The following STK32B variants were observed in gnomAD, a reference collection of about 807,000 sequenced individuals.
STK32B encodes the protein serine/threonine-protein kinase 32B.
Under a neutral mutation model 52.6 loss-of-function variants are expected in STK32B, and 43 were observed. The ratio of observed to expected loss-of-function variants is 0.82; its 90% CI spans 0.64 to 1.05. The LOEUF (loss-of-function observed/expected upper bound fraction) is 1.05. Ranked by LOEUF, STK32B falls within the 50% of genes least tolerant of loss-of-function variation. The pLI is 0.00. For synonymous variants in STK32B, 238 were observed against 204.3 expected (o/e 1.17, Z -1.41); for missense variants, 621 against 534.6 (o/e 1.16, Z -1.59).
Position 5,063,251 on chromosome 4 carries a change from T to G in STK32B, c.52+11336T>G, listed in dbSNP as rs144032245. Among the ~76,000 whole-genome samples, 511 of 152,334 alleles carry G rather than the reference T, an allele frequency of 3.4e-3. 5 individuals carry two copies. Among genetic ancestry groups the G allele is most frequent in the African/African-American group, 0.012 (502 of 41,580 alleles). On this transcript the variant is annotated intron_variant, in intron 1 of 11. Coordinates refer to ENST00000282908, the MANE Select transcript of STK32B (RefSeq NM_018401.3). ...TTTCCATTGCTCTACATCAGCACTG[T>G]TCTATAGAAATGTGACTCAGTCGAC... is the stretch of plus-strand genomic sequence containing the variant.
intron 3 of STK32B, among the ~76,000 whole-genome samples, chr4:5,295,958 C>T (rs1173131861): frequency 6.6e-6 from 1 of 151,714 alleles, no homozygotes; most frequent in Non-Finnish European, 1.5e-5. Flanking sequence ...GAGATTCTGG[C>T]GTGTTGTGTC....
chr4:5,357,348 A>AC (rs34963312), intron 4 of STK32B, among the ~76,000 whole-genome samples: 46,287 of 152,030 alleles, frequency 0.3, 8,769 homozygotes, highest in African/African-American at 0.54. Context: ...CGCTTTGAGC[A>AC]CTACCATGTG....
At chr4:5,057,579 G>A (rs1742054978) in intron 1 of STK32B, among the ~76,000 whole-genome samples, 1 of 152,156 alleles carries the variant, frequency 6.6e-6, no homozygotes, top group African/African-American at 2.4e-5. Context: ...TTGGGGGTTG[G>A]CTTTCCAACA....
intron 1 of STK32B, among the ~76,000 whole-genome samples, chr4:5,081,733 A>C (rs1712441461): frequency 1.3e-5 from 2 of 152,118 alleles, no homozygotes; most frequent in Admixed American, 6.5e-5. Flanking sequence ...CTTTTAAAAT[A>C]TTCTTTCCAT....
At chr4:5,322,780 G>T (rs1731601438) in intron 3 of STK32B, among the ~76,000 whole-genome samples, 1 of 152,096 alleles carries the variant, frequency 6.6e-6, no homozygotes, top group African/African-American at 2.4e-5. Context: ...TGGAGAGTCA[G>T]TCACTCATCA....
intron 1 of STK32B, among the ~76,000 whole-genome samples, chr4:5,113,709 A>G (rs943398765): frequency 6.6e-6 from 1 of 152,136 alleles, no homozygotes; most frequent in African/African-American, 2.4e-5. Flanking sequence ...GCAGCCCCTC[A>G]TGGTCTGCTT....
rs144210096 is a variant in STK32B, at chr4:5,174,260, G to T, written c.260+5810G>T. Among the ~76,000 whole-genome samples the T allele has an allele frequency of 2.2e-3, 329 of 152,246 alleles. 6 individuals are homozygous for T. In the East Asian group the frequency reaches 0.053, roughly 24 times the overall value. ...TGGGTCTTGACTCTTTATCCAGTTT[G>T]CCAGTTTGTGTTTTTTAATTGGAGC... On this transcript the variant is annotated intron_variant, in intron 3 of 11. Coordinates refer to ENST00000282908, the MANE Select transcript of STK32B (RefSeq NM_018401.3).
At chr4:5,132,279 A>G (rs1051773417) in intron 1 of STK32B, among the ~76,000 whole-genome samples, 12 of 152,132 alleles carry the variant, frequency 7.9e-5, no homozygotes, top group African/African-American at 2.9e-4. Flanking sequence ...TTCTTTGGGT[A>G]TCACTTATAA....
At chr4:5,155,941 GTGCATA>G (rs986592983) in intron 2 of STK32B, among the ~76,000 whole-genome samples, 13 of 151,862 alleles carry the variant, frequency 8.6e-5, no homozygotes, top group African/African-American at 2.9e-4. Context: ...ATATGTACAC[GTGCATA>G]TACATATACA....
intron 3 of STK32B, among the ~76,000 whole-genome samples, chr4:5,249,290 G>C (rs1725712793): frequency 6.6e-6 from 1 of 152,086 alleles, no homozygotes; most frequent in African/African-American, 2.4e-5. Context: ...TATAGAACGG[G>C]GTTCAGAGAA....
intron 3 of STK32B, chr4:5,203,950 A>G (rs1577189229): frequency 6.6e-6 from 1 of 152,238 alleles, no homozygotes; most frequent in Admixed American, 6.5e-5. Context: ...GCTGTCTTGC[A>G]TTGAGGTACG....
intron 3 of STK32B, among the ~76,000 whole-genome samples, chr4:5,247,130 G>T (rs1189215192): frequency 5.9e-5 from 9 of 152,204 alleles, no homozygotes; most frequent in Admixed American, 5.9e-4. Context: ...GACTGCAGAG[G>T]TTATTGCTGT....
chr4:5,218,183 G>A (rs535015534), intron 3 of STK32B, among the ~76,000 whole-genome samples: 2 of 152,220 alleles, frequency 1.3e-5, no homozygotes, highest in African/African-American at 2.4e-5. Context: ...CTACTGGGCC[G>A]GCCAGACTCA....
chr4:5,270,369 T>C (rs1156927401), intron 3 of STK32B, among the ~76,000 whole-genome samples: 2 of 152,100 alleles, frequency 1.3e-5, no homozygotes, highest in Non-Finnish European at 2.9e-5. Context: ...ACTAGTCTAG[T>C]CTTTCCATGT....
intron 6 of STK32B, among the ~76,000 whole-genome samples, chr4:5,433,176 AAGG>A (rs1256857787): frequency 5.3e-5 from 8 of 151,102 alleles, no homozygotes; most frequent in African/African-American, 1.9e-4. Flanking sequence ...AGAGGATAGA[AAGG>A]AGGATAGAGA....
chr4:5,163,606 G>A lies in STK32B; in HGVS notation c.109-4693G>A, dbSNP rs142400085. Among the ~76,000 whole-genome samples the A allele has an allele frequency of 3.0e-3, 457 of 151,232 alleles. 7 individuals are homozygous for A. The East Asian group carries it at 0.053, about 18-fold the overall frequency. The stretch of plus-strand genomic sequence containing the variant: ...TAAGAGAGAGAGAGAGATGTTGGAG[G>A]GGACAAGGTCTTTGAATGCCAAGAC... On this transcript the variant is annotated intron_variant, in intron 2 of 11. Transcript: ENST00000282908.
intron 5 of STK32B, among the ~76,000 whole-genome samples, chr4:5,406,068 G>A (rs1456786340): frequency 6.6e-6 from 1 of 152,164 alleles, no homozygotes; most frequent in Admixed American, 6.5e-5. Context: ...GGTACAATGG[G>A]CATTACAGGC....
At chr4:5,493,915 C>G (rs1474790213) in intron 11 of STK32B, among the ~76,000 whole-genome samples, 5 of 152,372 alleles carry the variant, frequency 3.3e-5, no homozygotes, top group Non-Finnish European at 5.9e-5. Context: ...ATCCTGAGTT[C>G]TAGTTTGATA....
intron 6 of STK32B, among the ~76,000 whole-genome samples, chr4:5,423,317 A>G (rs1024589276): frequency 1.3e-5 from 2 of 152,254 alleles, no homozygotes; most frequent in Non-Finnish European, 1.5e-5. Flanking sequence ...GACATGGTGC[A>G]CATAAAGCAC....
Sources: allele counts gnomAD v4.1 joint callset (sites outside exome capture counted in the v4.1 genomes callset), GRCh38; gene constraint gnomAD v4.1.1; transcripts MANE v1.5; gene names NCBI Gene and HGNC (gene_info 2026-07-23, HGNC 2026-07-21).